The following LRRC17 variants were observed in gnomAD, a reference collection of about 807,000 sequenced individuals.
The protein encoded by LRRC17 is leucine rich repeat containing 17.
Under a neutral mutation model 41.5 loss-of-function variants are expected in LRRC17, and 33 were observed. The observed-to-expected ratio is 0.80, with a 90% CI of 0.60 to 1.06. The LOEUF is 1.06. Among genes scored for constraint, LRRC17 ranks in the 50% least tolerant of loss-of-function variants. LRRC17 has a pLI of 0.00. For synonymous variants in LRRC17, 192 were observed against 197.0 expected (o/e 0.97, Z 0.21); for missense variants, 491 against 519.3 (o/e 0.95, Z 0.53).
chr7:102,938,980 G>A (rs1820862287), intron 2 of LRRC17, among the ~76,000 whole-genome samples: 2 of 152,060 alleles, frequency 1.3e-5, no homozygotes, highest in East Asian at 1.9e-4. Flanking sequence ...CTAGTGTCAG[G>A]GTGTTCTCAT....
In LRRC17 at chr7:102,939,497, C is replaced by A; in HGVS notation, c.840C>A (p.Ile280=). 1 of 1,613,868 alleles carries A rather than the reference C, an allele frequency of 6.2e-7. No homozygotes were observed. Among genetic ancestry groups the A allele is most frequent in the Non-Finnish European group, 8.5e-7 (1 of 1,179,852 alleles). The change falls in exon 3 of 4, where the codon ATC becomes ATA. Residue 280 remains isoleucine, a synonymous_variant. Coordinates refer to ENST00000339431, the MANE Select transcript of LRRC17 (RefSeq NM_001031692.3). ...AACTTGACTTGTCATACAATAAAAT[C>A]AACCAACTTCGACCCAAGGAATTTG... ...IVKLDLSYNK[I]NQLRPKEFED...
At chr7:102,934,732 C>T in intron 2 of LRRC17, 47 bp downstream of exon 2, 1 of 1,452,186 alleles carries the variant, frequency 6.9e-7, no homozygotes, top group Non-Finnish European at 9.3e-7. Context: ...ACTTGAAATG[C>T]TCTTTGAATC....
chr7:102,919,069 A>G (rs890067092), intron 1 of LRRC17, among the ~76,000 whole-genome samples: 1 of 152,200 alleles, frequency 6.6e-6, no homozygotes, highest in South Asian at 2.1e-4. Context: ...GCCAGCTTGC[A>G]CAGCTCATGG....
At chr7:102,924,623 T>A (rs967461559) in intron 1 of LRRC17, among the ~76,000 whole-genome samples, 74 of 151,356 alleles carry the variant, frequency 4.9e-4, no homozygotes, top group African/African-American at 1.7e-3. Flanking sequence ...TCACCGAGAA[T>A]TTTCTGTGTA....
chr7:102,915,885 G>C (rs780137470), intron 1 of LRRC17, among the ~76,000 whole-genome samples: 1 of 152,088 alleles, frequency 6.6e-6, no homozygotes, highest in Non-Finnish European at 1.5e-5. Flanking sequence ...GAATATATTT[G>C]TGATTTATAT....
intron 1 of LRRC17, chr7:102,931,947 G>A (rs547496372): frequency 1.2e-6 from 2 of 1,612,038 alleles, no homozygotes; most frequent in East Asian, 4.5e-5. Flanking sequence ...AATCAAATAA[G>A]TTACACGTCA....
intron 1 of LRRC17, among the ~76,000 whole-genome samples, chr7:102,930,205 G>C (rs1054806093): frequency 6.6e-6 from 1 of 152,056 alleles, no homozygotes; most frequent in South Asian, 2.1e-4. Flanking sequence ...TAGCAGGGAG[G>C]GGCCAATTCA....
At chr7:102,920,129 CAA>C (rs1380711791) in intron 1 of LRRC17, among the ~76,000 whole-genome samples, 4 of 152,110 alleles carry the variant, frequency 2.6e-5, no homozygotes, top group Non-Finnish European at 5.9e-5. Context: ...CAGGAGTAGT[CAA>C]AAGTTATTGT....
intron 1 of LRRC17, among the ~76,000 whole-genome samples, chr7:102,918,597 C>T (rs1346856297): frequency 6.6e-6 from 1 of 152,162 alleles, no homozygotes; most frequent in Non-Finnish European, 1.5e-5. Context: ...AAGAGGATTG[C>T]CTGAGGCCAT....
chr7:102,926,140 C>T, intron 1 of LRRC17: 1 of 687,328 alleles, frequency 1.5e-6, no homozygotes, highest in Non-Finnish European at 2.4e-6. Flanking sequence ...AGCAGCAGAC[C>T]CCTTATCAGA....
Position 102,944,212 on chromosome 7 carries a change from G to T in LRRC17, c.931G>T (p.Ala311Ser). The T allele has an allele frequency of 6.3e-7, 1 of 1,598,312 alleles. No homozygotes were observed. Among genetic ancestry groups the T allele is most frequent in the Non-Finnish European group, 8.5e-7 (1 of 1,173,924 alleles). Residue 311 changes from alanine (A) to serine (S), a missense_variant and splice_region_variant, in exon 4 of 4, where the codon GCT becomes TCT. Transcript: ENST00000339431. ...CAATAAATATTTTCTGTTTCCAGCCGCTTTTTTAGGGCTCACACATTTAGA... is the reference window on the plus strand; with the variant it reads ...CAATAAATATTTTCTGTTTCCAGCCTCTTTTTTAGGGCTCACACATTTAGA... ...SNGIEFIDPA[A>S]FLGLTHLEEL...
chr7:102,917,343 C>T (rs1278261954), intron 1 of LRRC17, among the ~76,000 whole-genome samples: 3 of 152,156 alleles, frequency 2.0e-5, no homozygotes, highest in Non-Finnish European at 4.4e-5. Context: ...GATACTACTC[C>T]ACTATAGCAT....
chr7:102,924,641 C>CTTTTTT (rs71106699), intron 1 of LRRC17, among the ~76,000 whole-genome samples: 16 of 121,014 alleles, frequency 1.3e-4, no homozygotes, highest in Non-Finnish European at 2.2e-4. Flanking sequence ...GTAAGCTTTT[C>CTTTTTT]TTTTTTTTTT....
intron 1 of LRRC17, among the ~76,000 whole-genome samples, chr7:102,931,050 A>C (rs1366907352): frequency 6.6e-6 from 1 of 152,212 alleles, no homozygotes; most frequent in Non-Finnish European, 1.5e-5. Context: ...GAGGAGCAGC[A>C]GTGAACCCAG....
In LRRC17 at chr7:102,939,453, A is replaced by T. The variant is rs749573832; in HGVS notation, c.796A>T (p.Ile266Phe). The T allele has an allele frequency of 2.1e-5, 34 of 1,608,916 alleles. No homozygotes were observed. Among genetic ancestry groups the T allele is most frequent in the Non-Finnish European group, 2.9e-5 (34 of 1,178,706 alleles). The change falls in exon 3 of 4, where the codon ATC (isoleucine) becomes TTC (phenylalanine). Residue 266 changes from isoleucine to phenylalanine, a missense_variant. Coordinates refer to ENST00000339431, the MANE Select transcript of LRRC17 (RefSeq NM_001031692.3). ...RKELKKVPNN[I>F]PPDIVKLDLS... ...AGAGTTGAAAAAAGTGCCAAACAAC[A>T]TCCCTCCAGATATTGTTAAACTTGA...
intron 1 of LRRC17, among the ~76,000 whole-genome samples, chr7:102,914,786 C>G (rs1164351852): frequency 6.6e-6 from 1 of 152,180 alleles, no homozygotes; most frequent in Admixed American, 6.5e-5. Flanking sequence ...GCTAATATCC[C>G]AAAGACACGC....
chr7:102,925,220 C>CCCA (rs1198922617), intron 1 of LRRC17, among the ~76,000 whole-genome samples: 1 of 151,930 alleles, frequency 6.6e-6, no homozygotes, highest in Non-Finnish European at 1.5e-5. Context: ...ATGGTGAAAC[C>CCCA]CCATCTCTAC....
chr7:102,937,918 T>A (rs1195426030), intron 2 of LRRC17, among the ~76,000 whole-genome samples: 1 of 152,220 alleles, frequency 6.6e-6, no homozygotes, highest in Non-Finnish European at 1.5e-5. Flanking sequence ...AGTTGAGACT[T>A]GCCCAGCTGA....
intron 1 of LRRC17, among the ~76,000 whole-genome samples, chr7:102,919,956 T>C (rs2129470191): frequency 6.6e-6 from 1 of 152,298 alleles, no homozygotes; most frequent in Middle Eastern, 3.4e-3. Context: ...ATAATTACAA[T>C]ATTGAGTGCA....
Sources: gnomAD v4.1 joint callset for allele counts (sites outside exome capture counted in the v4.1 genomes callset) on GRCh38, gnomAD v4.1.1 for gene constraint, MANE v1.5 for transcripts, NCBI Gene and HGNC (gene_info 2026-07-23, HGNC 2026-07-21) for gene names.